GALNT7: variants seen among roughly 807,000 people sequenced by gnomAD.
GALNT7 encodes the protein polypeptide N-acetylgalactosaminyltransferase 7.
GALNT7 carries 60 observed loss-of-function variants against 82.1 expected under a neutral mutation model. That is an observed-to-expected ratio of 0.73 (90% CI 0.59 to 0.91). The LOEUF is 0.91. GALNT7 is among the 40% of genes least tolerant of loss of function. The pLI, the probability that GALNT7 is intolerant of heterozygous loss-of-function variation, is 0.00. For missense variants in GALNT7, 660 were observed against 804.2 expected (o/e 0.82, Z 2.17); for synonymous variants, 243 against 275.1 (o/e 0.88, Z 1.15).
chr4:173,195,607 C>T (rs1178478623), intron 1 of GALNT7, among the ~76,000 whole-genome samples: 1 of 152,174 alleles, frequency 6.6e-6, no homozygotes, highest in African/African-American at 2.4e-5. Flanking sequence ...ACACTAGATC[C>T]TGAAGGTAAT....
chr4:173,294,365 AT>A (rs1256578041), intron 3 of GALNT7, among the ~76,000 whole-genome samples: 3 of 151,974 alleles, frequency 2.0e-5, no homozygotes, highest in Non-Finnish European at 4.4e-5. Context: ...TATAATACTT[AT>A]TAAAACTGGG....
At chr4:173,290,484 G>A (rs558485231) in intron 2 of GALNT7, among the ~76,000 whole-genome samples, 1 of 152,102 alleles carries the variant, frequency 6.6e-6, no homozygotes, top group Non-Finnish European at 1.5e-5. Flanking sequence ...TTTCCTCTAG[G>A]AGATGAGATT....
At chr4:173,296,789 G>A (rs1736732032) in intron 5 of GALNT7, among the ~76,000 whole-genome samples, 1 of 152,144 alleles carries the variant, frequency 6.6e-6, no homozygotes, top group Non-Finnish European at 1.5e-5. Context: ...ATACCAGCAG[G>A]CTTCTGGGCA....
At chr4:173,174,859 CTT>C (rs1013919918) in intron 1 of GALNT7, among the ~76,000 whole-genome samples, 28 of 152,190 alleles carry the variant, frequency 1.8e-4, no homozygotes, top group African/African-American at 6.3e-4. Flanking sequence ...AGAATGAAAA[CTT>C]TTGAACAGCA....
At chr4:173,227,552 C>T (rs954920792) in intron 1 of GALNT7, among the ~76,000 whole-genome samples, 2 of 152,118 alleles carry the variant, frequency 1.3e-5, no homozygotes, top group East Asian at 1.9e-4. Context: ...AAGATGGTCT[C>T]GATCTCCTGA....
At chr4:173,304,168 C>T (rs1465709055) in intron 8 of GALNT7, 50 bp downstream of exon 8, 8 of 1,539,932 alleles carry the variant, frequency 5.2e-6, no homozygotes, top group Non-Finnish European at 7.1e-6. Context: ...ATTTATGTAC[C>T]ACATGCTATA....
chr4:173,205,439 C>G (rs1455483354), intron 1 of GALNT7, among the ~76,000 whole-genome samples: 3 of 152,150 alleles, frequency 2.0e-5, no homozygotes, highest in Non-Finnish European at 4.4e-5. Flanking sequence ...GGCCTGGACC[C>G]TGGGTCTGCT....
rs532477394 is a variant in GALNT7 at position 173,307,725 on chromosome 4, G to C, written c.1389+3607G>C. 8.5e-5 allele frequency among the ~76,000 whole-genome samples: 13 copies of C among 152,348 alleles called. No homozygotes were observed. In the South Asian group the frequency reaches 2.7e-3, roughly 32 times the overall value. On this transcript the variant is annotated intron_variant, in intron 8 of 11. Coordinates refer to ENST00000265000, the MANE Select transcript of GALNT7 (RefSeq NM_017423.3). ...TGGAGCATGAACGAACTATAGCAAT[G>C]GTTCTAGTGTCGGGGCAGGCCCAGT...
intron 8 of GALNT7, among the ~76,000 whole-genome samples, chr4:173,308,892 G>C (rs1290995006): frequency 1.3e-5 from 2 of 152,174 alleles, no homozygotes; most frequent in South Asian, 4.1e-4. Flanking sequence ...AACAGAGGGA[G>C]ACTTCGTCTC....
chr4:173,216,566 G>A (rs1311960708), intron 1 of GALNT7, among the ~76,000 whole-genome samples: 1 of 151,432 alleles, frequency 6.6e-6, no homozygotes, highest in Non-Finnish European at 1.5e-5. Context: ...CTACTAGGAT[G>A]TATTCTTTAG....
intron 2 of GALNT7, among the ~76,000 whole-genome samples, chr4:173,261,986 A>T (rs1230789966): frequency 6.6e-6 from 1 of 152,122 alleles, no homozygotes; most frequent in African/African-American, 2.4e-5. Flanking sequence ...TATGAAAATA[A>T]TTTTTTTAAA....
chr4:173,305,152 G>A (rs1737104213), intron 8 of GALNT7, among the ~76,000 whole-genome samples: 1 of 152,078 alleles, frequency 6.6e-6, no homozygotes, highest in African/African-American at 2.4e-5. Flanking sequence ...GGTGGGAAGG[G>A]TATCTTGTGG....
At chr4:173,223,682 C>A (rs1213502556) in intron 1 of GALNT7, among the ~76,000 whole-genome samples, 2 of 151,796 alleles carry the variant, frequency 1.3e-5, no homozygotes, top group Non-Finnish European at 2.9e-5. Flanking sequence ...CTTTTTATAA[C>A]TAAAATTTTC....
At chr4:173,199,150 C>T (rs1732867900) in intron 1 of GALNT7, among the ~76,000 whole-genome samples, 1 of 152,182 alleles carries the variant, frequency 6.6e-6, no homozygotes, top group South Asian at 2.1e-4. Context: ...GTGCTAGATA[C>T]TATGTGCCAC....
intron 1 of GALNT7, among the ~76,000 whole-genome samples, chr4:173,190,006 T>C (rs1732576026): frequency 6.6e-6 from 1 of 152,214 alleles, no homozygotes; most frequent in African/African-American, 2.4e-5. Flanking sequence ...TTTTTTTTTT[T>C]TCTCTTACAT....
At chr4:173,247,304 A>G (rs1186323972) in intron 1 of GALNT7, among the ~76,000 whole-genome samples, 1 of 151,218 alleles carries the variant, frequency 6.6e-6, no homozygotes, top group African/African-American at 2.4e-5. Context: ...TCCTTGTACA[A>G]AGAATCTGTT....
chr4:173,169,598 G>C (rs1055131215), intron 1 of GALNT7: 5 of 151,676 alleles, frequency 3.3e-5, no homozygotes, highest in African/African-American at 9.7e-5. Flanking sequence ...CTCCGGCGGC[G>C]GGGAGCCGGG....
At chr4:173,181,218 T>C (rs1732237145) in intron 1 of GALNT7, among the ~76,000 whole-genome samples, 1 of 152,194 alleles carries the variant, frequency 6.6e-6, no homozygotes, top group Non-Finnish European at 1.5e-5. Context: ...TCACTTAAAA[T>C]ATATAATTAT....
At chr4:173,188,606 A>G (rs1472128348) in intron 1 of GALNT7, among the ~76,000 whole-genome samples, 6 of 152,202 alleles carry the variant, frequency 3.9e-5, no homozygotes, top group African/African-American at 1.4e-4. Context: ...TCCTGAGAGA[A>G]GAGAAAGCGC....
Sources: allele counts gnomAD v4.1 joint callset (sites outside exome capture counted in the v4.1 genomes callset), GRCh38; gene constraint gnomAD v4.1.1; transcripts MANE v1.5; gene names NCBI Gene and HGNC (gene_info 2026-07-23, HGNC 2026-07-21).